PDK3: variants seen among roughly 807,000 people sequenced by gnomAD.
The protein encoded by PDK3 is pyruvate dehydrogenase kinase, isozyme 3.
A neutral mutation model predicts 32.0 loss-of-function variants in PDK3; 12 were observed. That is an observed-to-expected ratio of 0.37 (90% CI 0.24 to 0.61). The LOEUF (loss-of-function observed/expected upper bound fraction) is 0.61, where lower values mean the gene tolerates loss of function less well. Among genes scored for constraint, PDK3 ranks in the 20% least tolerant of loss-of-function variants. PDK3 has a pLI of 0.65. For synonymous variants in PDK3, 122 were observed against 116.3 expected (o/e 1.05, Z -0.31); for missense variants, 188 against 316.9 (o/e 0.59, Z 3.09).
exon 12 of PDK3, chrX:24,546,415 C>G (rs1458785617): frequency 1.8e-5 from 2 of 112,045 alleles, no homozygotes; most frequent in Non-Finnish European, 3.8e-5. Flanking sequence ...TTTAACACTT[C>G]TAAACTTGTT....
intron 2 of PDK3, 21 bp from the exon 3 acceptor site, chrX:24,498,808 C>CTTT: frequency 3.8e-6 from 3 of 796,351 alleles, no homozygotes; most frequent in Admixed American, 3.6e-5. Context: ...TCTTCTTTTT[C>CTTT]TTTTTTTTTT....
chrX:24,467,659 C>G (rs1434941805), intron 1 of PDK3, among the ~76,000 whole-genome samples: 1 of 112,236 alleles, frequency 8.9e-6, no homozygotes, highest in African/African-American at 3.2e-5. Context: ...CTACTTTTCT[C>G]TTAGTTCTGT....
intron 4 of PDK3, among the ~76,000 whole-genome samples, chrX:24,504,505 T>A (rs1921934108): frequency 1.8e-5 from 2 of 112,184 alleles, no homozygotes; most frequent in Admixed American, 1.9e-4. Context: ...TTTATCATTT[T>A]TCATAGTTTA....
exon 12 of PDK3, chrX:24,545,539 G>C (rs1922979199): frequency 9.0e-6 from 1 of 111,610 alleles, no homozygotes; most frequent in Non-Finnish European, 1.9e-5. Context: ...GTCACCTTCA[G>C]AGCTCTAGCA....
At chrX:24,489,882 A>T (rs1284334685) in intron 1 of PDK3, among the ~76,000 whole-genome samples, 7 of 110,806 alleles carry the variant, frequency 6.3e-5, no homozygotes, top group African/African-American at 2.3e-4. Context: ...CTGATAATCC[A>T]AGGAAGCTTG....
chrX:24,538,209 G>A (rs143503931), downstream of PDK3, among the ~76,000 whole-genome samples: 22 of 112,438 alleles, frequency 2.0e-4, no homozygotes, highest in African/African-American at 7.1e-4. Flanking sequence ...ACTGAAGGTT[G>A]TATGCTGATT....
chrX:24,501,768 G>A (rs1007383282), intron 3 of PDK3, among the ~76,000 whole-genome samples: 9 of 112,480 alleles, frequency 8.0e-5, no homozygotes, highest in African/African-American at 2.9e-4. Flanking sequence ...TATTTTCCTA[G>A]GATCAATTCC....
At chrX:24,532,234 C>G (rs1423303358) in intron 10 of PDK3, among the ~76,000 whole-genome samples, 1 of 110,093 alleles carries the variant, frequency 9.1e-6, no homozygotes, top group Non-Finnish European at 1.9e-5. Flanking sequence ...CCACTGCACT[C>G]CAGCCTGGGC....
intron 10 of PDK3, among the ~76,000 whole-genome samples, chrX:24,532,792 A>G (rs1032567094): frequency 1.8e-5 from 2 of 110,906 alleles, no homozygotes; most frequent in African/African-American, 3.3e-5. Flanking sequence ...TATTTTTTTT[A>G]CTTTGCAATC....
chrX:24,501,238 TA>T (rs1481821027), intron 3 of PDK3, among the ~76,000 whole-genome samples: 1 of 111,522 alleles, frequency 9.0e-6, no homozygotes, highest in African/African-American at 3.3e-5. Context: ...ATGCGTAAAA[TA>T]TTTTTACAAA....
intron 5 of PDK3, among the ~76,000 whole-genome samples, chrX:24,510,838 G>A (rs780494500): frequency 4.3e-4 from 48 of 111,915 alleles, no homozygotes; most frequent in African/African-American, 1.3e-3. Context: ...TTCTACCCTG[G>A]CAAATGGGCT....
chrX:24,486,072 G>A (rs1435613350), intron 1 of PDK3, among the ~76,000 whole-genome samples: 3 of 112,100 alleles, frequency 2.7e-5, no homozygotes, highest in Non-Finnish European at 5.6e-5. Flanking sequence ...CTTTTCTACA[G>A]TGTGACCTTG....
rs1037389105 is a variant in PDK3 at position 24,505,543 on chromosome X, C to A, written c.595+245C>A. On this transcript the variant is annotated intron_variant, in intron 5 of 10. Coordinates refer to ENST00000379162, the MANE Select transcript of PDK3 (RefSeq NM_005391.5). ...GTTTCTACTTTATTGATTAGAGTTT[C>A]ATTTGTAGTTCTGTCTCAAACAGTA... Among the ~76,000 whole-genome samples the A allele has an allele frequency of 2.7e-5, 3 of 112,021 alleles. No homozygotes were observed. The Admixed American group carries it at 2.8e-4, about 11-fold the overall frequency.
Position 24,532,215 on chromosome X carries a change from A to G in PDK3, c.1077+445A>G, listed in dbSNP as rs1922667307. On this transcript the variant is annotated intron_variant, in intron 10 of 10. Transcript: ENST00000379162. ...CGGGAGGCAGAGGTTGCAGTGAGCC[A>G]AGATGGTGCCACTGCACTCCAGCCT... Among the ~76,000 whole-genome samples, 3 of 110,882 alleles carry G rather than the reference A, an allele frequency of 2.7e-5. No homozygotes were observed. In the South Asian group the frequency reaches 1.2e-3, roughly 43 times the overall value.
At chrX:24,481,049 CTTTT>C (rs758641178) in intron 1 of PDK3, among the ~76,000 whole-genome samples, 16 of 97,485 alleles carry the variant, frequency 1.6e-4, no homozygotes, top group Non-Finnish European at 3.1e-4. Context: ...TTTTCTTTTT[CTTTT>C]TTTTTTTTTT....
At chrX:24,509,677 T>C (rs1333204957) in intron 5 of PDK3, among the ~76,000 whole-genome samples, 1 of 111,455 alleles carries the variant, frequency 9.0e-6, no homozygotes, top group African/African-American at 3.3e-5. Context: ...GTGGAGGTGG[T>C]TTCAGATTCC....
At chrX:24,488,838 A>G (rs1205397831) in intron 1 of PDK3, among the ~76,000 whole-genome samples, 1 of 112,439 alleles carries the variant, frequency 8.9e-6, no homozygotes, top group Non-Finnish European at 1.9e-5. Flanking sequence ...AAGCCCCCTC[A>G]CCTGCTCCCT....
chrX:24,527,561 C>A lies in PDK3; in HGVS notation c.751-13C>A, dbSNP rs375288896. 1.2e-5 allele frequency: 12 copies of A among 1,006,590 alleles called. No individual in the cohort carries two copies. In the African/African-American group the frequency reaches 2.3e-4, roughly 19 times the overall value. 83.0% of individuals were successfully genotyped at this position (1,006,590 alleles called of 1,213,427 possible). A position where few individuals can be genotyped will look rare whatever the true frequency, so the allele number is the denominator to read the frequency against. On this transcript the variant is annotated splice_polypyrimidine_tract_variant and intron_variant, in intron 7 of 10. Transcript: ENST00000379162. ...TCGGCAGTATGATTAATAAAAAGAT[C>A]TTATTATTTTAGAACTCAATGAGAG...
chrX:24,465,349 G>A lies in PDK3; in HGVS notation c.-107G>A. ...CCGGCGGCGCCGAGGCCGAGATCGA[G>A]GCCGGGGTGCGCGCTTCGCAAACGT... On this transcript the variant is annotated 5_prime_UTR_variant, in exon 1 of 11. Coordinates refer to ENST00000379162, the MANE Select transcript of PDK3 (RefSeq NM_005391.5). The A allele has an allele frequency of 5.9e-6, 3 of 506,663 alleles. No individual in the cohort carries two copies. The highest frequency in any genetic ancestry group is 4.5e-5 in the East Asian group (1 of 22,185). 41.8% of individuals were successfully genotyped at this position (506,663 alleles called of 1,213,427 possible).
Sources: gnomAD v4.1 joint callset for allele counts (sites outside exome capture counted in the v4.1 genomes callset) on GRCh38, gnomAD v4.1.1 for gene constraint, MANE v1.5 for transcripts, NCBI Gene and HGNC (gene_info 2026-07-23, HGNC 2026-07-21) for gene names.